Variants in RAB7A observed in about 807,000 individuals in gnomAD.
RAB7A encodes the protein RAB7A, member RAS oncogene family.
A neutral mutation model predicts 24.5 loss-of-function variants in RAB7A; 2 were observed. The ratio of observed to expected loss-of-function variants is 0.08; its 90% CI spans 0.03 to 0.26. RAB7A has a LOEUF of 0.26. Ranked by LOEUF, RAB7A falls within the 10% of genes least tolerant of loss-of-function variation. The probability of loss-of-function intolerance (pLI) is 1.00; values close to 1 mark genes in which losing one functional copy is unlikely to be tolerated. For synonymous variants in RAB7A, 100 were observed against 95.9 expected (o/e 1.04, Z -0.25); for missense variants, 118 against 255.7 (o/e 0.46, Z 3.67).
chr3:128,792,074 G>A (rs1368656010), intron 1 of RAB7A, among the ~76,000 whole-genome samples: 3 of 152,206 alleles, frequency 2.0e-5, no homozygotes, highest in Non-Finnish European at 4.4e-5. Flanking sequence ...ATTAAATAAA[G>A]AGCGGGAATG....
At chr3:128,781,759 A>G (rs13322377) in intron 1 of RAB7A, among the ~76,000 whole-genome samples, 8,127 of 152,012 alleles carry the variant, frequency 0.053, 632 homozygotes, top group African/African-American at 0.17. Flanking sequence ...GCTTACTGTA[A>G]TCCCAGCACT....
chr3:128,792,264 T>C (rs372801848), intron 1 of RAB7A, among the ~76,000 whole-genome samples: 22 of 152,312 alleles, frequency 1.4e-4, no homozygotes, highest in East Asian at 1.2e-3. Context: ...CTTTTTAATA[T>C]TATTAAACAG....
At chr3:128,755,214 A>G (rs1384214199) in intron 1 of RAB7A, among the ~76,000 whole-genome samples, 1 of 152,216 alleles carries the variant, frequency 6.6e-6, no homozygotes, top group East Asian at 1.9e-4. Context: ...AAAACTGGAG[A>G]CTTTATGTAA....
At chr3:128,731,452 T>G (rs1302461656) in intron 1 of RAB7A, among the ~76,000 whole-genome samples, 1 of 152,192 alleles carries the variant, frequency 6.6e-6, no homozygotes, top group Non-Finnish European at 1.5e-5. Context: ...AGCGATAACA[T>G]TTTGTAGAAA....
chr3:128,805,433 C>T (rs1007886453), intron 3 of RAB7A, among the ~76,000 whole-genome samples: 1 of 152,094 alleles, frequency 6.6e-6, no homozygotes, highest in African/African-American at 2.4e-5. Context: ...GGATCTAGGG[C>T]AGTAAGTATA....
At chr3:128,811,080 C>T (rs902903083) in intron 5 of RAB7A, among the ~76,000 whole-genome samples, 4 of 151,742 alleles carry the variant, frequency 2.6e-5, no homozygotes, top group African/African-American at 4.8e-5. Flanking sequence ...ACATTCCACC[C>T]ATGATACTAT....
chr3:128,803,979 A>T (rs1208654450), intron 3 of RAB7A, among the ~76,000 whole-genome samples: 1 of 152,128 alleles, frequency 6.6e-6, no homozygotes, highest in Non-Finnish European at 1.5e-5. Flanking sequence ...TCCTGTTTTG[A>T]TGTGGTCTAG....
chr3:128,802,756 C>T (rs1933726904), intron 3 of RAB7A, among the ~76,000 whole-genome samples: 1 of 151,562 alleles, frequency 6.6e-6, no homozygotes, highest in Non-Finnish European at 1.5e-5. Context: ...ATCTGGCCGC[C>T]TCAGCCTCCC....
intron 1 of RAB7A, among the ~76,000 whole-genome samples, chr3:128,736,918 C>T (rs1423359160): frequency 6.6e-6 from 1 of 152,154 alleles, no homozygotes; most frequent in Non-Finnish European, 1.5e-5. Flanking sequence ...GGAAATAGCT[C>T]TCATTTGCAG....
rs1425733539 is a variant in RAB7A, at chr3:128,737,411, C to A, written c.-9+11052C>A. On this transcript the variant is annotated intron_variant, in intron 1 of 5. Coordinates refer to ENST00000265062, the MANE Select transcript of RAB7A (RefSeq NM_004637.6). ...GCTGGAGTACAGTGACAGTGCAACC[C>A]CAGCTCACTGCAGCCTCTGCCTCCC... Among the ~76,000 whole-genome samples, 5 of 150,024 alleles carry A rather than the reference C, an allele frequency of 3.3e-5. No homozygotes were observed. In the East Asian group the frequency reaches 9.7e-4, roughly 29 times the overall value.
At chr3:128,757,551 G>C (rs977278222) in intron 1 of RAB7A, among the ~76,000 whole-genome samples, 1 of 149,086 alleles carries the variant, frequency 6.7e-6, no homozygotes, top group Non-Finnish European at 1.5e-5. Context: ...ACCAAGTCTT[G>C]CTGTGTTACC....
At chr3:128,807,807 TG>T (rs891939073) in intron 5 of RAB7A, 136 bp downstream of exon 5, 1 of 1,313,238 alleles carries the variant, frequency 7.6e-7, no homozygotes, top group Non-Finnish European at 1.1e-6. Context: ...TGTGTTCATC[TG>T]GGAAGGTTAT....
chr3:128,798,313 T>C (rs902554290), intron 3 of RAB7A: 1 of 440,848 alleles, frequency 2.3e-6, no homozygotes, highest in Non-Finnish European at 4.1e-6. Context: ...AAAAAAAAAC[T>C]CAGATTTATC....
chr3:128,761,287 G>C (rs1396955636), intron 1 of RAB7A, among the ~76,000 whole-genome samples: 2 of 152,148 alleles, frequency 1.3e-5, no homozygotes, highest in Non-Finnish European at 2.9e-5. Context: ...TTTGTGTTGA[G>C]AGTTTCTTTT....
At chr3:128,810,643 C>T (rs778540919) in intron 5 of RAB7A, among the ~76,000 whole-genome samples, 1 of 151,418 alleles carries the variant, frequency 6.6e-6, no homozygotes, top group Non-Finnish European at 1.5e-5. Flanking sequence ...TATAAGGACA[C>T]GAATTCTCAG....
intron 1 of RAB7A, among the ~76,000 whole-genome samples, chr3:128,784,486 C>CCA (rs2107606406): frequency 1.3e-5 from 2 of 152,326 alleles, no homozygotes; most frequent in South Asian, 4.1e-4. Flanking sequence ...CCTACCCTCC[C>CCA]CACTGCAGGC....
At chr3:128,781,379 A>G (rs916406656) in intron 1 of RAB7A, among the ~76,000 whole-genome samples, 9 of 152,220 alleles carry the variant, frequency 5.9e-5, no homozygotes, top group Middle Eastern at 3.2e-3. Flanking sequence ...ATTTAAGTTC[A>G]CACAGCTGCC....
At chr3:128,777,890 T>C (rs929771396) in intron 1 of RAB7A, among the ~76,000 whole-genome samples, 2 of 152,140 alleles carry the variant, frequency 1.3e-5, no homozygotes, top group Non-Finnish European at 2.9e-5. Flanking sequence ...ATTTTTGTAT[T>C]TTTAGTAGAG....
chr3:128,786,813 C>T (rs771430523), intron 1 of RAB7A, among the ~76,000 whole-genome samples: 4 of 152,164 alleles, frequency 2.6e-5, no homozygotes, highest in Non-Finnish European at 2.9e-5. Flanking sequence ...TGAGTCTGAT[C>T]AGATTATGCT....
Sources: allele counts gnomAD v4.1 joint callset (sites outside exome capture counted in the v4.1 genomes callset), GRCh38; gene constraint gnomAD v4.1.1; transcripts MANE v1.5; gene names NCBI Gene and HGNC (gene_info 2026-07-23, HGNC 2026-07-21).